Variants in PCDH15 observed in about 807,000 individuals in gnomAD.
The protein encoded by PCDH15 is protocadherin related 15.
In PCDH15, 129 loss-of-function variants were observed where a neutral mutation model predicts 178.5. The ratio of observed to expected loss-of-function variants is 0.72; its 90% confidence interval spans 0.63 to 0.84. PCDH15 has a LOEUF of 0.84. Ranked by LOEUF, PCDH15 falls within the 40% of genes least tolerant of loss-of-function variation. PCDH15 has a pLI of 0.00. For synonymous variants in PCDH15, 800 were observed against 732.0 expected (o/e 1.09, Z -1.50); for missense variants, 2,230 against 2,099.9 (o/e 1.06, Z -1.21).
chr10:54,504,411 C>T (rs2080990790), intron 3 of PCDH15, among the ~76,000 whole-genome samples: 1 of 152,090 alleles, frequency 6.6e-6, no homozygotes, highest in Admixed American at 6.6e-5. Flanking sequence ...CATTATTCCT[C>T]CTTCCCTCCA....
At chr10:55,045,393 T>C (rs1236041327) in intron 2 of PCDH15, among the ~76,000 whole-genome samples, 3 of 152,058 alleles carry the variant, frequency 2.0e-5, no homozygotes, top group South Asian at 2.1e-4. Context: ...TAATCTATAA[T>C]TGAAAATCAA....
intron 1 of PCDH15, among the ~76,000 whole-genome samples, chr10:54,700,637 A>G (rs929568851): frequency 1.3e-5 from 2 of 152,268 alleles, no homozygotes; most frequent in Non-Finnish European, 2.9e-5. Flanking sequence ...GTCTGGTACT[A>G]CAAATTAATT....
At chr10:54,822,387 A>T (rs1329839996) in intron 3 of PCDH15, among the ~76,000 whole-genome samples, 1 of 152,014 alleles carries the variant, frequency 6.6e-6, no homozygotes, top group Non-Finnish European at 1.5e-5. Flanking sequence ...ACCATGTGCT[A>T]TTTGTCTTCA....
intron 1 of PCDH15, among the ~76,000 whole-genome samples, chr10:55,180,879 T>G (rs1361791615): frequency 2.0e-5 from 3 of 152,098 alleles, no homozygotes; most frequent in Non-Finnish European, 4.4e-5. Context: ...TTTGTTTTAT[T>G]TTAGCCCAGT....
chr10:54,004,527 G>T (rs1008255893), intron 20 of PCDH15, among the ~76,000 whole-genome samples: 1 of 151,454 alleles, frequency 6.6e-6, no homozygotes, highest in Non-Finnish European at 1.5e-5. Context: ...TGAACAATCC[G>T]CAAAAGAAAT....
intron 2 of PCDH15, among the ~76,000 whole-genome samples, chr10:55,157,851 T>G (rs1162950638): frequency 1.3e-5 from 2 of 151,948 alleles, no homozygotes; most frequent in East Asian, 1.9e-4. Flanking sequence ...ATATACCTAA[T>G]GTAAATGACG....
Position 54,860,881 on chromosome 10 carries a change from C to T in PCDH15, c.-29+36569G>A, listed in dbSNP as rs187390315. 1.1e-3 allele frequency among the ~76,000 whole-genome samples: 172 copies of T among 152,174 alleles called. 1 individual carries two copies. The highest frequency in any genetic ancestry group is 4.0e-3 in the African/African-American group (165 of 41,526). On this transcript the variant is annotated intron_variant, in intron 3 of 5. Transcript: ENST00000458638. ...CTTAGAGGTAACTGAGTGTCCTAGG[C>T]GATCATTAAGGCAATTTCTCCTACT...
At chr10:55,256,586 C>A (rs1003711659) in intron 1 of PCDH15, among the ~76,000 whole-genome samples, 6 of 152,348 alleles carry the variant, frequency 3.9e-5, no homozygotes, top group Non-Finnish European at 8.8e-5. Context: ...TAACCCGCAC[C>A]TGGCTCGGAG....
rs1432172808 is a variant in PCDH15, at chr10:53,959,667, G to A, written c.3122+65C>T. 4.2e-5 allele frequency: 51 copies of A among 1,227,824 alleles called. No individual in the cohort carries two copies. The East Asian group carries it at 1.1e-3, about 28-fold the overall frequency. 76.1% of individuals were successfully genotyped at this position (1,227,824 alleles called of 1,614,324 possible). ...CATAAATTCATATTACATCAATTTTGAGAGACTCCTTTCAAAAATGCCCTA... is the reference window on the plus strand; with the variant it reads ...CATAAATTCATATTACATCAATTTTAAGAGACTCCTTTCAAAAATGCCCTA... On this transcript the variant is annotated intron_variant, in intron 23 of 37. Transcript: ENST00000644397.
chr10:53,997,478 G>A (rs1486676058), intron 20 of PCDH15, among the ~76,000 whole-genome samples: 1 of 152,046 alleles, frequency 6.6e-6, no homozygotes, highest in Non-Finnish European at 1.5e-5. Context: ...GCCCAACACT[G>A]CAATGTTTCC....
chr10:55,222,378 T>C (rs1394751275), intron 1 of PCDH15, among the ~76,000 whole-genome samples: 1 of 151,920 alleles, frequency 6.6e-6, no homozygotes, highest in African/African-American at 2.4e-5. Context: ...GACACAAAAA[T>C]ACATGTCAAA....
chr10:55,144,449 G>C (rs149265756), intron 2 of PCDH15, among the ~76,000 whole-genome samples: 3 of 152,240 alleles, frequency 2.0e-5, no homozygotes, highest in Non-Finnish European at 4.4e-5. Context: ...ATTAGGGTAA[G>C]TATAACACAG....
intron 7 of PCDH15, among the ~76,000 whole-genome samples, chr10:54,325,010 G>T (rs1456481082): frequency 3.2e-5 from 1 of 31,090 alleles, no homozygotes. Context: ...AAACCCATTT[G>T]ATCTTTCTAG....
rs575195041 is a variant in PCDH15 at position 53,961,831 on chromosome 10, C to T, written c.2930G>A (p.Ser977Asn). The stretch of plus-strand genomic sequence containing the variant: ...AGAATCTTCTTCCACTTCAAAAATA[C>T]TGGCAGGGTAAGGAAACTGTACATC... ...VDDVQFPYPASIFEVEEDSGR... is the reference protein window; with the variant it reads ...VDDVQFPYPANIFEVEEDSGR... Residue 977 changes from serine (S) to asparagine (N), a missense_variant, in exon 22 of 38, where the codon AGT (serine) becomes AAT (asparagine). By Grantham distance (46) the Ser-to-Asn change is conservative. Coordinates refer to ENST00000644397, the MANE Select transcript of PCDH15 (RefSeq NM_001384140.1). The T allele has an allele frequency of 6.2e-6, 10 of 1,611,232 alleles. No individual in the cohort carries two copies. The South Asian group carries it at 9.9e-5, about 16-fold the overall frequency.
At chr10:55,600,343 G>T (rs967901204) in intron 2 of PCDH15, among the ~76,000 whole-genome samples, 1 of 150,540 alleles carries the variant, frequency 6.6e-6, no homozygotes. Flanking sequence ...CAGCCTGAGA[G>T]ACAGAGTGAG....
At chr10:54,913,383 C>T (rs1954850119) in intron 2 of PCDH15, among the ~76,000 whole-genome samples, 1 of 152,152 alleles carries the variant, frequency 6.6e-6, no homozygotes, top group South Asian at 2.1e-4. Flanking sequence ...TGGCAGCTTC[C>T]ATATGTGTGC....
At chr10:54,280,813 G>T (rs1472978765) in intron 8 of PCDH15, among the ~76,000 whole-genome samples, 1 of 151,648 alleles carries the variant, frequency 6.6e-6, no homozygotes, top group Admixed American at 6.6e-5. Context: ...CTCGACTTTT[G>T]CTGGCCTATA....
At chr10:54,642,138 G>A (rs989840282) in intron 2 of PCDH15, among the ~76,000 whole-genome samples, 1 of 151,932 alleles carries the variant, frequency 6.6e-6, no homozygotes, top group African/African-American at 2.4e-5. Context: ...CCTTATGAGT[G>A]GGATTAATGC....
At chr10:54,725,040 A>T (rs1015415714) in intron 1 of PCDH15, among the ~76,000 whole-genome samples, 2 of 151,478 alleles carry the variant, frequency 1.3e-5, no homozygotes, top group Non-Finnish European at 3.0e-5. Context: ...TTTTAAAAGC[A>T]TGTTCCCATT....
Sources: gnomAD v4.1 joint callset for allele counts (sites outside exome capture counted in the v4.1 genomes callset) on GRCh38, gnomAD v4.1.1 for gene constraint, MANE v1.5 for transcripts, NCBI Gene and HGNC (gene_info 2026-07-23, HGNC 2026-07-21) for gene names.